Variants in CEP63 observed in about 807,000 individuals in gnomAD.
CEP63 encodes centrosomal protein of 63 kDa.
A neutral mutation model predicts 89.1 loss-of-function variants in CEP63; 84 were observed. That is an observed-to-expected ratio of 0.94 (90% CI 0.79 to 1.13). The LOEUF is 1.13. CEP63 is among the 50% of genes most tolerant of loss of function. The pLI is 0.00. For synonymous variants in CEP63, 267 were observed against 272.5 expected (o/e 0.98, Z 0.20); for missense variants, 838 against 813.3 (o/e 1.03, Z -0.37).
the CEP63 span, chr3:134,650,798 CG>C: frequency 7.8e-6 from 12 of 1,544,396 alleles, no homozygotes; most frequent in South Asian, 1.2e-5. Context: ...CCGGGGGACC[CG>C]GGGACCCGGG....
At chr3:134,742,429 C>T in the CEP63 span, among the ~76,000 whole-genome samples, 4 of 152,046 alleles carry the variant, frequency 2.6e-5, no homozygotes, top group South Asian at 2.1e-4. Context: ...TGGGTGGGGC[C>T]GGGATTGTGT....
intron 12 of CEP63, among the ~76,000 whole-genome samples, chr3:134,555,713 G>A (rs1411699835): frequency 1.3e-5 from 2 of 151,746 alleles, no homozygotes; most frequent in African/African-American, 4.8e-5. Flanking sequence ...GTAATTTACA[G>A]ATTCAATGCC....
At chr3:134,657,359 C>T in the CEP63 span, among the ~76,000 whole-genome samples, 24 of 151,974 alleles carry the variant, frequency 1.6e-4, no homozygotes, top group East Asian at 9.7e-4. Context: ...GAGATTTTGG[C>T]GGAGACACAG....
chr3:134,767,257 G>C, the CEP63 span, among the ~76,000 whole-genome samples: 1 of 152,236 alleles, frequency 6.6e-6, no homozygotes, highest in East Asian at 1.9e-4. Flanking sequence ...TTTGTGCAAT[G>C]TGGCTAGCAT....
chr3:134,725,441 G>C, the CEP63 span, among the ~76,000 whole-genome samples: 1 of 152,206 alleles, frequency 6.6e-6, no homozygotes, highest in South Asian at 2.1e-4. Flanking sequence ...CTCTTGAAAA[G>C]CCCTGCTCCC....
chr3:134,682,730 G>A, the CEP63 span, among the ~76,000 whole-genome samples: 3 of 152,258 alleles, frequency 2.0e-5, no homozygotes, highest in East Asian at 5.8e-4. Flanking sequence ...TCCATGCTCG[G>A]CACTATTTTG....
At chr3:134,552,298 G>C (rs1423224638) in intron 12 of CEP63, 2 of 207,226 alleles carry the variant, frequency 9.7e-6, no homozygotes, top group Non-Finnish European at 2.0e-5. Context: ...CCACCTCCCG[G>C]GTTCAAATGA....
intron 3 of CEP63, among the ~76,000 whole-genome samples, chr3:134,518,863 A>G (rs1260885334): frequency 2.0e-5 from 3 of 152,136 alleles, no homozygotes; most frequent in Non-Finnish European, 4.4e-5. Context: ...GAACAAAGCT[A>G]TTCTCTTCGA....
chr3:134,754,958 G>A, the CEP63 span, among the ~76,000 whole-genome samples: 1 of 151,922 alleles, frequency 6.6e-6, no homozygotes, highest in South Asian at 2.1e-4. Context: ...TATCTCAGCT[G>A]CACCCTGGGC....
chr3:134,569,496 C>G (rs1343092867), downstream of CEP63, among the ~76,000 whole-genome samples: 2 of 152,214 alleles, frequency 1.3e-5, no homozygotes, highest in African/African-American at 4.8e-5. Context: ...TCTTAAAGCT[C>G]CAAAATGATC....
At chr3:134,740,760 GTCT>G in the CEP63 span, among the ~76,000 whole-genome samples, 1 of 152,130 alleles carries the variant, frequency 6.6e-6, no homozygotes, top group Non-Finnish European at 1.5e-5. Context: ...CCAAGATTTT[GTCT>G]TCTTTGCTCT....
intron 1 of CEP63, among the ~76,000 whole-genome samples, chr3:134,488,896 G>T (rs1378101211): frequency 6.6e-6 from 1 of 152,024 alleles, no homozygotes; most frequent in Non-Finnish European, 1.5e-5. Flanking sequence ...GGTGGCTCAC[G>T]CCTGTAATCC....
the CEP63 span, among the ~76,000 whole-genome samples, chr3:134,629,862 G>A: frequency 6.6e-6 from 1 of 152,146 alleles, no homozygotes; most frequent in Non-Finnish European, 1.5e-5. Flanking sequence ...AAACCAAGCA[G>A]ATAGTTTCCA....
the CEP63 span, among the ~76,000 whole-genome samples, chr3:134,670,840 A>G: frequency 6.6e-6 from 1 of 152,232 alleles, no homozygotes; most frequent in Admixed American, 6.5e-5. Context: ...TAGAGCAGTT[A>G]CAATGCACTA....
the CEP63 span, among the ~76,000 whole-genome samples, chr3:134,754,750 T>A: frequency 6.6e-6 from 1 of 152,162 alleles, no homozygotes; most frequent in East Asian, 1.9e-4. Flanking sequence ...CCCAAATGTA[T>A]GCCATACTTT....
intron 2 of CEP63, among the ~76,000 whole-genome samples, chr3:134,505,417 C>A (rs770949409): frequency 6.6e-6 from 1 of 152,156 alleles, no homozygotes; most frequent in African/African-American, 2.4e-5. Flanking sequence ...GTGACTTGGA[C>A]TGTGATTGTC....
the CEP63 span, among the ~76,000 whole-genome samples, chr3:134,727,692 G>T: frequency 0.017 from 2,546 of 152,186 alleles, 68 homozygotes; most frequent in African/African-American, 0.058. Flanking sequence ...AAATTCCTTG[G>T]ATATTTATGG....
the CEP63 span, among the ~76,000 whole-genome samples, chr3:134,701,035 TTTG>T: frequency 6.6e-6 from 1 of 151,812 alleles, no homozygotes; most frequent in Non-Finnish European, 1.5e-5. Context: ...TATATGTTTT[TTTG>T]TGTGTGTCAT....
chr3:134,742,792 T>C, the CEP63 span, among the ~76,000 whole-genome samples: 1 of 152,230 alleles, frequency 6.6e-6, no homozygotes, highest in African/African-American at 2.4e-5. Context: ...GCCCATCCAC[T>C]ATCTACCATG....
Sources: gnomAD v4.1 joint callset for allele counts (sites outside exome capture counted in the v4.1 genomes callset) on GRCh38, gnomAD v4.1.1 for gene constraint, MANE v1.5 for transcripts, NCBI Gene and HGNC (gene_info 2026-07-23, HGNC 2026-07-21) for gene names.